Variants in CTNNA3 observed in about 807,000 individuals in gnomAD.
CTNNA3 encodes the protein catenin alpha 3, also known as catenin alpha-3.
Under a neutral mutation model 95.7 loss-of-function variants are expected in CTNNA3, and 76 were observed. The ratio of observed to expected loss-of-function variants is 0.79; its 90% CI spans 0.66 to 0.96. CTNNA3 has a LOEUF of 0.96. Ranked by LOEUF, CTNNA3 falls within the 40% of genes least tolerant of loss-of-function variation. The pLI is 0.00. For missense variants in CTNNA3, 1,191 were observed against 1,089.8 expected (o/e 1.09, Z -1.31); for synonymous variants, 431 against 374.4 (o/e 1.15, Z -1.74).
intron 10 of CTNNA3, among the ~76,000 whole-genome samples, chr10:66,551,344 T>C (rs1338034221): frequency 2.0e-5 from 3 of 152,124 alleles, no homozygotes; most frequent in African/African-American, 7.2e-5. Flanking sequence ...TTCAAATCAC[T>C]GCATTCCTGT....
At chr10:67,167,505 T>C (rs1278360080) in intron 7 of CTNNA3, among the ~76,000 whole-genome samples, 2 of 152,232 alleles carry the variant, frequency 1.3e-5, no homozygotes, top group African/African-American at 4.8e-5. Flanking sequence ...ACTTCTGCCA[T>C]ATTTAGTTGG....
chr10:67,079,858 AACACACACACACACAC>A (rs199928311), intron 7 of CTNNA3, among the ~76,000 whole-genome samples: 12,571 of 141,314 alleles, frequency 0.089, 570 homozygotes, highest in Non-Finnish European at 0.099. Flanking sequence ...AAAAAAACAA[AACACACACACACACAC>A]ACACACACAC....
chr10:66,839,914 C>T (rs1182714509), intron 7 of CTNNA3, among the ~76,000 whole-genome samples: 1 of 152,114 alleles, frequency 6.6e-6, no homozygotes, highest in East Asian at 1.9e-4. Flanking sequence ...CTACACTGCC[C>T]ATTCATAGTT....
At chr10:66,957,721 C>T (rs1848900730) in intron 7 of CTNNA3, among the ~76,000 whole-genome samples, 1 of 151,774 alleles carries the variant, frequency 6.6e-6, no homozygotes, top group Non-Finnish European at 1.5e-5. Context: ...AACATGGGGA[C>T]AGCATCAGCA....
intron 10 of CTNNA3, among the ~76,000 whole-genome samples, chr10:66,546,931 G>C (rs962036875): frequency 1.3e-5 from 2 of 152,152 alleles, no homozygotes; most frequent in African/African-American, 2.4e-5. Context: ...TGTCAGAGTA[G>C]ATTATACTGC....
At chr10:66,249,119 C>T (rs1395097327) in intron 13 of CTNNA3, among the ~76,000 whole-genome samples, 1 of 152,060 alleles carries the variant, frequency 6.6e-6, no homozygotes, top group African/African-American at 2.4e-5. Context: ...TAAAACTAGA[C>T]CCCTATCTCT....
intron 13 of CTNNA3, among the ~76,000 whole-genome samples, chr10:66,214,609 TA>T (rs1172762148): frequency 6.6e-6 from 1 of 152,044 alleles, no homozygotes; most frequent in Non-Finnish European, 1.5e-5. Context: ...GCTTATAATT[TA>T]AATATTTCAG....
At chr10:67,697,180 CT>C (rs1431091747), upstream of CTNNA3, among the ~76,000 whole-genome samples, 7 of 152,210 alleles carry the variant, frequency 4.6e-5, no homozygotes, top group African/African-American at 1.7e-4. Context: ...ATGTAGCTAC[CT>C]TTAAAATGGG....
In CTNNA3 at chr10:67,652,415, C is replaced by A. The variant is rs564316711; in HGVS notation, c.-5-4897G>T. On this transcript the variant is annotated intron_variant, in intron 1 of 17. Coordinates refer to ENST00000433211, the MANE Select transcript of CTNNA3 (RefSeq NM_013266.4). Reference sequence around the variant, plus strand: ...GATCATTTTAGGGTTCAGGGATATACTCCTTTTGGATGTATGTACTTCAAC... The same window carrying A: ...GATCATTTTAGGGTTCAGGGATATAATCCTTTTGGATGTATGTACTTCAAC... 8.5e-5 allele frequency among the ~76,000 whole-genome samples: 13 copies of A among 152,354 alleles called. No homozygotes were observed. In the South Asian group the frequency reaches 2.3e-3, roughly 27 times the overall value.
chr10:66,598,245 T>C (rs954561548), intron 10 of CTNNA3, among the ~76,000 whole-genome samples: 3 of 152,046 alleles, frequency 2.0e-5, no homozygotes, highest in African/African-American at 7.2e-5. Context: ...AAACTAGGTA[T>C]AGAAGGAATA....
chr10:67,613,581 C>G (rs140353773), intron 2 of CTNNA3, among the ~76,000 whole-genome samples: 1 of 152,096 alleles, frequency 6.6e-6, no homozygotes, highest in African/African-American at 2.4e-5. Context: ...GGGGTCTGAT[C>G]AGTTCAATGT....
chr10:67,449,135 G>C (rs1846869025), intron 5 of CTNNA3, among the ~76,000 whole-genome samples: 1 of 151,768 alleles, frequency 6.6e-6, no homozygotes, highest in South Asian at 2.1e-4. Flanking sequence ...GGAGGGGAAA[G>C]ATCTCTAAAA....
At chr10:67,636,552 A>G (rs1019978779) in intron 2 of CTNNA3, among the ~76,000 whole-genome samples, 1 of 152,198 alleles carries the variant, frequency 6.6e-6, no homozygotes, top group African/African-American at 2.4e-5. Flanking sequence ...CAAACCTGAC[A>G]AAAACAAGCA....
At chr10:67,636,690 A>C (rs1324510195) in intron 2 of CTNNA3, among the ~76,000 whole-genome samples, 1 of 152,196 alleles carries the variant, frequency 6.6e-6, no homozygotes, top group Non-Finnish European at 1.5e-5. Context: ...ATCAGGCAGC[A>C]ACATTTGCTG....
chr10:66,038,701 A>C (rs1246272256), intron 15 of CTNNA3, among the ~76,000 whole-genome samples: 1 of 152,248 alleles, frequency 6.6e-6, no homozygotes, highest in Non-Finnish European at 1.5e-5. Context: ...TTGGAAGACC[A>C]CTTGATGGAG....
intron 17 of CTNNA3, among the ~76,000 whole-genome samples, chr10:65,940,497 T>G (rs1221717886): frequency 6.6e-6 from 1 of 152,230 alleles, no homozygotes; most frequent in South Asian, 2.1e-4. Context: ...GTTCAACATA[T>G]ACTGACTCTT....
At chr10:66,788,479 C>A (rs1428628627) in intron 7 of CTNNA3, among the ~76,000 whole-genome samples, 2 of 152,126 alleles carry the variant, frequency 1.3e-5, no homozygotes, top group East Asian at 3.9e-4. Flanking sequence ...CTGTAAACAT[C>A]AAATAATGGG....
intron 9 of CTNNA3, among the ~76,000 whole-genome samples, chr10:66,714,169 A>G (rs558951906): frequency 7.6e-4 from 116 of 152,238 alleles, no homozygotes; most frequent in Non-Finnish European, 1.4e-3. Flanking sequence ...AACTATATTT[A>G]CCTCAAACTT....
At chr10:65,972,385 A>C (rs1017148728) in intron 16 of CTNNA3, among the ~76,000 whole-genome samples, 3 of 152,102 alleles carry the variant, frequency 2.0e-5, no homozygotes, top group Admixed American at 2.0e-4. Context: ...TAGACAAATA[A>C]AAAGTCAACC....
Sources: gnomAD v4.1 joint callset for allele counts (sites outside exome capture counted in the v4.1 genomes callset) on GRCh38, gnomAD v4.1.1 for gene constraint, MANE v1.5 for transcripts, NCBI Gene and HGNC (gene_info 2026-07-23, HGNC 2026-07-21) for gene names.